The following VWA3A variants were observed in gnomAD, a reference collection of about 807,000 sequenced individuals.
VWA3A encodes the protein von Willebrand factor A domain-containing protein 3A.
Under a neutral mutation model 160.4 loss-of-function variants are expected in VWA3A, and 134 were observed. That is an observed-to-expected ratio of 0.84 (90% CI 0.73 to 0.96). VWA3A has a LOEUF of 0.96. Ranked by LOEUF, VWA3A falls within the 40% of genes least tolerant of loss-of-function variation. The pLI is 0.00. For missense variants in VWA3A, 1,310 were observed against 1,447.9 expected (o/e 0.90, Z 1.55); for synonymous variants, 476 against 543.4 (o/e 0.88, Z 1.72).
At chr16:22,111,869 G>A (rs1407006047) in intron 8 of VWA3A, among the ~76,000 whole-genome samples, 3 of 152,084 alleles carry the variant, frequency 2.0e-5, no homozygotes, top group African/African-American at 7.2e-5. Context: ...TTCCAGTCTT[G>A]GCCTCCCAAA....
intron 21 of VWA3A, among the ~76,000 whole-genome samples, chr16:22,137,588 A>G: frequency 6.6e-6 from 1 of 152,228 alleles, no homozygotes; most frequent in East Asian, 1.9e-4. Context: ...TGCAGCAGAG[A>G]AAAGAAGTTT....
intron 14 of VWA3A, 91 bp from the exon 15 acceptor site, chr16:22,122,994 C>G: frequency 2.7e-6 from 3 of 1,107,446 alleles, no homozygotes; most frequent in Non-Finnish European, 4.0e-6. Context: ...CCACTTCACT[C>G]TCCTGCACCT....
intron 6 of VWA3A, 115 bp downstream of exon 6, chr16:22,103,644 G>A: frequency 8.0e-7 from 1 of 1,251,336 alleles, no homozygotes; most frequent in Non-Finnish European, 1.1e-6. Context: ...GCTAAAAAAA[G>A]GCATTTACTA....
Position 22,123,639 on chromosome 16 carries a change from G to T in VWA3A, c.1464G>T (p.Met488Ile). Residue 488 changes from methionine (M) to isoleucine (I), a missense_variant, in exon 16 of 34, where the codon ATG becomes ATT. Coordinates refer to ENST00000389398, the MANE Select transcript of VWA3A (RefSeq NM_173615.5). ...YQQQLSRAMRMYERRIEWLSL... is the reference protein window; with the variant it reads ...YQQQLSRAMRIYERRIEWLSL... ...AACAGCTCAGCAGAGCTATGCGGATGTATGAGAGGCGGATTGAGTGGCTCT... is the reference window on the plus strand; with the variant it reads ...AACAGCTCAGCAGAGCTATGCGGATTTATGAGAGGCGGATTGAGTGGCTCT... 1 of 1,613,982 alleles carries T rather than the reference G, an allele frequency of 6.2e-7. No homozygotes were observed. Among genetic ancestry groups the T allele is most frequent in the Non-Finnish European group, 8.5e-7 (1 of 1,179,894 alleles).
chr16:22,134,634 C>T (rs544987863), intron 21 of VWA3A, among the ~76,000 whole-genome samples, 196 bp downstream of exon 21: 1 of 152,178 alleles, frequency 6.6e-6, no homozygotes, highest in Admixed American at 6.5e-5. Context: ...TTCCTTGCCC[C>T]TCCCTGGCTT....
In VWA3A at chr16:22,096,842, ATTCTT is replaced by A. The variant is rs1402150802; in HGVS notation, c.15-11_15-7del. ...TGCCACATTTATCCTGTTTTCTGGT[ATTCTT>A]TTCTTCTTTAGGAAAATAAGCATTG... On this transcript the variant is annotated splice_polypyrimidine_tract_variant and intron_variant, in intron 1 of 33. Transcript: ENST00000389398. The A allele has an allele frequency of 4.7e-6, 7 of 1,492,628 alleles. No homozygotes were observed. Among genetic ancestry groups the A allele is most frequent in the Non-Finnish European group, 6.4e-6 (7 of 1,093,850 alleles). 92.5% of individuals were successfully genotyped at this position (1,492,628 alleles called of 1,614,324 possible).
At chr16:22,132,585 G>C (rs2045967549) in intron 19 of VWA3A, among the ~76,000 whole-genome samples, 1 of 152,054 alleles carries the variant, frequency 6.6e-6, no homozygotes, top group Admixed American at 6.6e-5. Context: ...TACCTACATA[G>C]TGCAGATCCT....
At position 22,100,248 on chromosome 16, in the gene VWA3A, C is replaced by T. The variant is rs1414333409; in HGVS notation, c.280C>T (p.Leu94Phe). The T allele has an allele frequency of 6.4e-7, 1 of 1,551,246 alleles. No individual in the cohort carries two copies. The highest frequency in any genetic ancestry group is 1.2e-5 in the South Asian group (1 of 84,038). ...AGATTGGGAGGACTCTGAAGACTGG[C>T]TTTCGGCTCACAGTTTAAAATGTCA... The part of the protein sequence containing the change: ...SSDWEDSEDW[L>F]SAHSLKCQKL... Residue 94 changes from leucine (L) to phenylalanine (F), a missense_variant, in exon 4 of 34, where the codon CTT becomes TTT. Transcript: ENST00000389398.
intron 1 of VWA3A, 75 bp from the exon 2 acceptor site, chr16:22,096,784 G>A: frequency 2.0e-6 from 2 of 983,104 alleles, no homozygotes; most frequent in Middle Eastern, 2.1e-4. Flanking sequence ...GCATTGTGCT[G>A]AATATAGATA....
intron 30 of VWA3A, among the ~76,000 whole-genome samples, chr16:22,151,965 T>C (rs773643644): frequency 6.6e-6 from 1 of 151,998 alleles, no homozygotes; most frequent in Non-Finnish European, 1.5e-5. Context: ...TCCCAGCACT[T>C]TGGGAGGCCA....
intron 6 of VWA3A, among the ~76,000 whole-genome samples, chr16:22,109,098 C>T (rs191805134): frequency 6.6e-6 from 1 of 151,968 alleles, no homozygotes; most frequent in East Asian, 1.9e-4. Flanking sequence ...ATAGAGTAGG[C>T]AAAAAATAAA....
At position 22,103,546 on chromosome 16, in the gene VWA3A, T is replaced by G. The variant is rs528907916; in HGVS notation, c.483+17T>G. 6.4e-5 allele frequency: 99 copies of G among 1,551,080 alleles called. No individual in the cohort carries two copies. The highest frequency in any genetic ancestry group is 3.4e-4 in the Middle Eastern group (2 of 5,924). ...AGCAAGAAGGTAACGGGCATAGATT[T>G]CATTCTTTGCCCCCTTTCACTCATT... is the stretch of plus-strand genomic sequence containing the variant. On this transcript the variant is annotated intron_variant, in intron 6 of 33. Transcript: ENST00000389398.
At chr16:22,142,851 T>C in intron 25 of VWA3A, 86 bp downstream of exon 25, 1 of 1,045,558 alleles carries the variant, frequency 9.6e-7, no homozygotes. Context: ...TGGGGGGGCA[T>C]AATCAGAAAT....
Position 22,092,594 on chromosome 16 carries a change from G to T in VWA3A, c.-44G>T. 6.5e-7 allele frequency: 1 copy of T among 1,548,902 alleles called. No homozygotes were observed. The highest frequency in any genetic ancestry group is 8.7e-7 in the Non-Finnish European group (1 of 1,145,184). On this transcript the variant is annotated 5_prime_UTR_variant, in exon 1 of 34. Transcript: ENST00000389398. ...AGAAGTGAGATCCAGGAGAAGTAAG[G>T]CCCTGGAGTGCCAGGAGCCCTTCTC...
chr16:22,147,444 A>C, intron 27 of VWA3A: 1 of 632,684 alleles, frequency 1.6e-6, no homozygotes, highest in Non-Finnish European at 2.9e-6. Flanking sequence ...ACTGGACAGG[A>C]GGGGATTCGG....
intron 21 of VWA3A, among the ~76,000 whole-genome samples, chr16:22,136,874 TACAC>T (rs747914882): frequency 1.3e-4 from 18 of 134,486 alleles, no homozygotes; most frequent in African/African-American, 4.4e-4. Flanking sequence ...CTACTAAAAA[TACAC>T]ACACACACAC....
At chr16:22,119,061 T>C in intron 12 of VWA3A, 34 bp downstream of exon 12, 1 of 1,575,202 alleles carries the variant, frequency 6.3e-7, no homozygotes, top group Non-Finnish European at 8.6e-7. Context: ...TGGGGCCTTC[T>C]CCCAGCAGCA....
At chr16:22,149,655 A>C (rs2046313170) in intron 28 of VWA3A, 132 bp from the exon 29 acceptor site, 2 of 1,155,438 alleles carry the variant, frequency 1.7e-6, no homozygotes, top group Non-Finnish European at 2.3e-6. Context: ...GGCTCGTTGT[A>C]GGGGTCTTCA....
chr16:22,155,070 C>T (rs1555462467), intron 31 of VWA3A, among the ~76,000 whole-genome samples: 1 of 145,552 alleles, frequency 6.9e-6, no homozygotes, highest in African/African-American at 2.5e-5. Flanking sequence ...GGGAGGATAG[C>T]TTGAGCCCAG....
Sources: gnomAD v4.1 joint callset for allele counts (sites outside exome capture counted in the v4.1 genomes callset) on GRCh38, gnomAD v4.1.1 for gene constraint, MANE v1.5 for transcripts, NCBI Gene and HGNC (gene_info 2026-07-23, HGNC 2026-07-21) for gene names.